The following SLC25A45 variants were observed in gnomAD, a reference collection of about 807,000 sequenced individuals.
SLC25A45 encodes solute carrier family 25 member 45.
SLC25A45 carries 22 observed loss-of-function variants against 23.0 expected under a neutral mutation model. The ratio of observed to expected loss-of-function variants is 0.95; its 90% CI spans 0.68 to 1.36. The LOEUF (loss-of-function observed/expected upper bound fraction) is 1.36. SLC25A45 is among the 40% of genes most tolerant of loss of function. SLC25A45 has a pLI of 0.00. For missense variants in SLC25A45, 355 were observed against 383.5 expected (o/e 0.93, Z 0.62); for synonymous variants, 136 against 155.0 (o/e 0.88, Z 0.91).
At chr11:65,380,076 C>T in intron 3 of SLC25A45, 56 bp downstream of exon 3, 1 of 1,596,196 alleles carries the variant, frequency 6.3e-7, no homozygotes. Flanking sequence ...TCAGGGCACC[C>T]TGACATTTGG....
At chr11:65,381,342 C>G (rs1205739) in intron 2 of SLC25A45, 139,749 of 153,822 alleles carry the variant, frequency 0.91, 63,777 homozygotes, top group Non-Finnish European at 0.96. Context: ...TGTTGGCCAG[C>G]CTGGTCTCGA....
chr11:65,378,014 A>G (rs1194127372), intron 5 of SLC25A45: 1 of 152,296 alleles, frequency 6.6e-6, no homozygotes, highest in African/African-American at 2.4e-5. Flanking sequence ...GTGGCAGGCC[A>G]AGTCTTCGCT....
intron 2 of SLC25A45, chr11:65,381,682 G>A: frequency 2.2e-6 from 1 of 463,082 alleles, no homozygotes; most frequent in Non-Finnish European, 4.0e-6. Context: ...ATCCTCCTAA[G>A]TAGCTGGGAC....
rs1855187344 is a variant in SLC25A45 at position 65,376,512 on chromosome 11, T to A, written c.762A>T (p.Gly254=). 1 of 1,614,060 alleles carries A rather than the reference T, an allele frequency of 6.2e-7. No homozygotes were observed. The highest frequency in any genetic ancestry group is 1.7e-5 in the Admixed American group (1 of 60,010). Residue 254 remains glycine (G), a synonymous_variant, in exon 7 of 7, where the codon GGA becomes GGT. Transcript: ENST00000398802. The part of the protein sequence containing the change: ...DCMVSSIRQE[G]LGVFFRGVTI... ...TGACCCCCCGGAAGAAGACTCCCAG[T>A]CCTTCCTGCCGGATGCTGCTCACCA...
rs767007184 is a variant in SLC25A45 at position 65,379,476 on chromosome 11, G to A, written c.239C>T (p.Thr80Ile). Reference sequence around the variant, plus strand: ...GGAGGTGGCCGTGAGCACCAGCAGGGTGTTGCTATAGACCCCAAACAGGAC... The same window carrying A: ...GGAGGTGGCCGTGAGCACCAGCAGGATGTTGCTATAGACCCCAAACAGGAC... ...NSVLFGVYSN[T>I]LLVLTATSHQ... is the part of the protein sequence containing the mutation. The change falls in exon 5 of 7, where the codon ACC (threonine) becomes ATC (isoleucine). Residue 80 changes from threonine (T) to isoleucine (I), a missense_variant. Transcript: ENST00000398802. 9.9e-6 allele frequency: 16 copies of A among 1,614,004 alleles called. No homozygotes were observed. The highest frequency in any genetic ancestry group is 1.6e-4 in the Middle Eastern group (1 of 6,082).
chr11:65,379,944 T>G lies in SLC25A45; in HGVS notation c.82-6A>C. 6.2e-7 allele frequency: 1 copy of G among 1,614,084 alleles called. No homozygotes were observed. The highest frequency in any genetic ancestry group is 8.5e-7 in the Non-Finnish European group (1 of 1,179,990). On this transcript the variant is annotated splice_region_variant and splice_polypyrimidine_tract_variant and intron_variant, in intron 3 of 6. Transcript: ENST00000398802. The stretch of plus-strand genomic sequence containing the variant: ...GTCTGGGTCTGCAGCCTCACCTGGG[T>G]GGGAGGACAGAGCAGGTAGGGTGGC...
At chr11:65,381,232 G>A (rs1009047007) in intron 2 of SLC25A45, 10 of 153,204 alleles carry the variant, frequency 6.5e-5, no homozygotes, top group African/African-American at 2.4e-4. Context: ...CTGAGCTTAA[G>A]GGCTCCTTCC....
At position 65,376,091 on chromosome 11, in the gene SLC25A45, AAG is replaced by A; in HGVS notation, c.*314_*315del. 6.4e-6 allele frequency: 2 copies of A among 311,330 alleles called. No individual in the cohort carries two copies. Among genetic ancestry groups the A allele is most frequent in the East Asian group, 1.2e-4 (2 of 17,334 alleles). 19.3% of individuals were successfully genotyped at this position (311,330 alleles called of 1,614,324 possible). Reference sequence around the variant, plus strand: ...TCTCAAAAAAAAAAAAAAAAAAAAAAAGAGGTGAAGGCACAGGACAGGAGCTG... The same window carrying A: ...TCTCAAAAAAAAAAAAAAAAAAAAAAAGGTGAAGGCACAGGACAGGAGCTG... On this transcript the variant is annotated 3_prime_UTR_variant, in exon 7 of 7. Transcript: ENST00000398802.
At chr11:65,381,350 C>T (rs1438620308) in intron 2 of SLC25A45, 2 of 153,676 alleles carry the variant, frequency 1.3e-5, no homozygotes, top group African/African-American at 4.8e-5. Context: ...AGCCTGGTCT[C>T]GAAATCTTGA....
chr11:65,377,706 C>T (rs1229361251), intron 5 of SLC25A45: 1 of 152,910 alleles, frequency 6.5e-6, no homozygotes, highest in Non-Finnish European at 1.5e-5. Flanking sequence ...GCAGATGCTA[C>T]ACAGATTTGG....
chr11:65,379,918 G>A lies in SLC25A45; in HGVS notation c.102C>T (p.Thr34=). The A allele has an allele frequency of 6.2e-7, 1 of 1,614,226 alleles. No individual in the cohort carries two copies. Among genetic ancestry groups the A allele is most frequent in the Non-Finnish European group, 8.5e-7 (1 of 1,180,022 alleles). ...TGCAATCAACGATGCCCCGGTAGGT[G>A]GTCTGGGTCTGCAGCCTCACCTGGG... ...DTVKVRLQTQ[T]TYRGIVDCMV... is the part of the protein sequence containing the mutation. Residue 34 remains threonine, a synonymous_variant, in exon 4 of 7, where the codon ACC becomes ACT. Coordinates refer to ENST00000398802, the MANE Select transcript of SLC25A45 (RefSeq NM_182556.4).
At chr11:65,383,673 G>T (rs1014123046), upstream of SLC25A45, 1 of 147,842 alleles carries the variant, frequency 6.8e-6, no homozygotes, top group African/African-American at 2.5e-5. Context: ...CAGGAGAATC[G>T]CTTGAACCCG....
At position 65,376,917 on chromosome 11, in the gene SLC25A45, C is replaced by A; in HGVS notation, c.499G>T (p.Ala167Ser). The change falls in exon 6 of 7, where the codon GCC becomes TCC. Residue 167 changes from alanine to serine, a missense_variant. Physicochemically the swap from Ala to Ser is moderately conservative, Grantham distance 99 (BLOSUM62 1). Transcript: ENST00000398802. Reference sequence around the variant, plus strand: ...GTGTCCCTCAGCGTCAGGGCCCAGGCTCCTCGGAACAGCCCCCGGGGCCCC... The same window carrying A: ...GTGTCCCTCAGCGTCAGGGCCCAGGATCCTCGGAACAGCCCCCGGGGCCCC... ...EEGPRGLFRG[A>S]WALTLRDTPT... 1 of 1,613,388 alleles carries A rather than the reference C, an allele frequency of 6.2e-7. No homozygotes were observed. The highest frequency in any genetic ancestry group is 1.3e-5 in the African/African-American group (1 of 75,028).
intron 2 of SLC25A45, chr11:65,381,161 G>T: frequency 6.5e-6 from 1 of 153,104 alleles, no homozygotes; most frequent in Non-Finnish European, 1.5e-5. Context: ...ACAGGGTCTT[G>T]CTGGTGTTGT....
At chr11:65,377,132 C>A in intron 5 of SLC25A45, 56 bp from the exon 6 acceptor site, 3 of 1,559,198 alleles carry the variant, frequency 1.9e-6, no homozygotes, top group Non-Finnish European at 2.6e-6. Context: ...GGAACTGGCC[C>A]CTTATATTCA....
intron 2 of SLC25A45, chr11:65,380,616 C>T (rs765916349): frequency 4.4e-5 from 57 of 1,292,332 alleles, no homozygotes; most frequent in Middle Eastern, 4.2e-4. Flanking sequence ...CAGCTGGCCA[C>T]GCAGAACTGC....
chr11:65,376,679 G>T lies in SLC25A45; in HGVS notation c.599-4C>A. The T allele has an allele frequency of 6.2e-7, 1 of 1,613,742 alleles. No individual in the cohort carries two copies. Among genetic ancestry groups the T allele is most frequent in the South Asian group, 1.1e-5 (1 of 91,080 alleles). The stretch of plus-strand genomic sequence containing the variant: ...GCCACCAGCACCGTGGCTGAGCCTG[G>T]GGCAGAGAGAGCCCAGAGCAGGGGT... On this transcript the variant is annotated splice_polypyrimidine_tract_variant and splice_region_variant and intron_variant, in intron 6 of 6. Coordinates refer to ENST00000398802, the MANE Select transcript of SLC25A45 (RefSeq NM_182556.4).
Position 65,376,243 on chromosome 11 carries a change from C to T in SLC25A45, c.*164G>A. On this transcript the variant is annotated 3_prime_UTR_variant, in exon 7 of 7. Coordinates refer to ENST00000398802, the MANE Select transcript of SLC25A45 (RefSeq NM_182556.4). ...TGCACAGGCCCCCTGGCTTCCGGCT[C>T]CCACAGGTGTCTGCCCAGCCCAGAT... 1 of 859,050 alleles carries T rather than the reference C, an allele frequency of 1.2e-6. No individual in the cohort carries two copies. Among genetic ancestry groups the T allele is most frequent in the Non-Finnish European group, 1.8e-6 (1 of 566,814 alleles). The allele number at this position is 859,050 out of a possible 1,614,324, so 53.2% of individuals were successfully genotyped here. A position where few individuals can be genotyped will look rare whatever the true frequency, so the allele number is the denominator to read the frequency against.
chr11:65,380,151 T>A lies in SLC25A45; in HGVS notation c.62A>T (p.His21Leu), dbSNP rs748811795. ...ACTCACCTTTACAGTGTCAAACGGGTGTCCCAGGACCAAGCCCAGAGCGCC... is the reference window on the plus strand; with the variant it reads ...ACTCACCTTTACAGTGTCAAACGGGAGTCCCAGGACCAAGCCCAGAGCGCC... ...ISGALGLVLG[H>L]PFDTVKVRLQ... Residue 21 changes from histidine to leucine, a missense_variant, in exon 3 of 7, where the codon CAC becomes CTC. Transcript: ENST00000398802. 6.2e-6 allele frequency: 10 copies of A among 1,614,066 alleles called. No homozygotes were observed. The highest frequency in any genetic ancestry group is 8.5e-6 in the Non-Finnish European group (10 of 1,180,026).
Sources: gnomAD v4.1 joint callset for allele counts on GRCh38, gnomAD v4.1.1 for gene constraint, MANE v1.5 for transcripts, NCBI Gene and HGNC (gene_info 2026-07-23, HGNC 2026-07-21) for gene names.